Variants in LRRC4C observed in about 807,000 individuals in gnomAD.
LRRC4C encodes the protein leucine-rich repeat-containing protein 4C.
Under a neutral mutation model 33.6 loss-of-function variants are expected in LRRC4C, and 5 were observed. That is an observed-to-expected ratio of 0.15 (90% CI 0.08 to 0.31). The LOEUF is 0.31. Ranked by LOEUF, LRRC4C falls within the 10% of genes least tolerant of loss-of-function variation. The pLI is 1.00. For missense variants in LRRC4C, 560 were observed against 796.7 expected (o/e 0.70, Z 3.58); for synonymous variants, 329 against 302.0 (o/e 1.09, Z -0.93).
intron 1 of LRRC4C, among the ~76,000 whole-genome samples, chr11:41,316,353 G>A (rs905450345): frequency 1.3e-4 from 19 of 148,370 alleles, no homozygotes; most frequent in Admixed American, 6.8e-4. Context: ...TACACATGAA[G>A]CCTACCCTAT....
chr11:40,904,403 AT>A (rs61172176), intron 2 of LRRC4C, among the ~76,000 whole-genome samples: 8,910 of 151,478 alleles, frequency 0.059, 383 homozygotes, highest in Admixed American at 0.15. Flanking sequence ...CTGGCAAAAT[AT>A]TTTTTTTTCA....
At chr11:40,806,342 A>C (rs1161420122) in intron 2 of LRRC4C, among the ~76,000 whole-genome samples, 1 of 152,196 alleles carries the variant, frequency 6.6e-6, no homozygotes, top group Admixed American at 6.5e-5. Context: ...GTCCATGTCC[A>C]TGTCCACGTC....
At chr11:40,336,437 G>A (rs1946606105) in intron 3 of LRRC4C, among the ~76,000 whole-genome samples, 1 of 152,078 alleles carries the variant, frequency 6.6e-6, no homozygotes, top group Non-Finnish European at 1.5e-5. Context: ...CTTGAATGCC[G>A]CAGGCTACAG....
At chr11:40,140,144 C>T (rs1213712383) in intron 6 of LRRC4C, among the ~76,000 whole-genome samples, 2 of 152,160 alleles carry the variant, frequency 1.3e-5, no homozygotes, top group East Asian at 3.9e-4. Context: ...GGGCCAACTA[C>T]AGCTCATAGG....
At chr11:40,306,655 T>C (rs1418351326) in intron 4 of LRRC4C, among the ~76,000 whole-genome samples, 1 of 152,224 alleles carries the variant, frequency 6.6e-6, no homozygotes, top group African/African-American at 2.4e-5. Flanking sequence ...CAAAGCAGCA[T>C]GGTCCACTTA....
intron 3 of LRRC4C, among the ~76,000 whole-genome samples, chr11:40,472,658 C>T (rs1170408420): frequency 6.6e-5 from 10 of 151,662 alleles, no homozygotes; most frequent in African/African-American, 2.2e-4. Context: ...CTCAAAAAAT[C>T]AATGAATCCA....
At chr11:40,643,754 T>C (rs934048147) in intron 3 of LRRC4C, among the ~76,000 whole-genome samples, 4 of 152,024 alleles carry the variant, frequency 2.6e-5, no homozygotes, top group African/African-American at 9.7e-5. Flanking sequence ...ATGCCAGTGG[T>C]AATAAAGAGC....
chr11:41,032,426 G>A (rs901377159), intron 1 of LRRC4C, among the ~76,000 whole-genome samples: 1 of 151,976 alleles, frequency 6.6e-6, no homozygotes, highest in African/African-American at 2.4e-5. Flanking sequence ...CCCTAACAGA[G>A]AAGGATTTGA....
intron 1 of LRRC4C, among the ~76,000 whole-genome samples, chr11:41,071,503 A>G (rs922470623): frequency 4.6e-5 from 7 of 152,188 alleles, no homozygotes; most frequent in African/African-American, 1.7e-4. Context: ...TCTGCTCTAT[A>G]AATGAAACAG....
intron 1 of LRRC4C, among the ~76,000 whole-genome samples, chr11:40,976,714 A>C (rs750628906): frequency 1.3e-5 from 2 of 152,158 alleles, no homozygotes; most frequent in Non-Finnish European, 2.9e-5. Flanking sequence ...GAGAGAGTAT[A>C]CAAAAAGGAT....
chr11:40,925,492 C>T (rs1484719234), intron 2 of LRRC4C, among the ~76,000 whole-genome samples: 1 of 152,166 alleles, frequency 6.6e-6, no homozygotes, highest in Non-Finnish European at 1.5e-5. Flanking sequence ...GTTGGTTAAC[C>T]TGCAACTGTC....
At chr11:40,272,556 C>G (rs1229357269) in intron 4 of LRRC4C, among the ~76,000 whole-genome samples, 3 of 152,036 alleles carry the variant, frequency 2.0e-5, no homozygotes, top group African/African-American at 4.8e-5. Context: ...AAATTTCCGG[C>G]AACTTTTTGT....
intron 1 of LRRC4C, among the ~76,000 whole-genome samples, chr11:41,248,522 C>T (rs897611761): frequency 9.9e-5 from 15 of 152,028 alleles, no homozygotes; most frequent in Non-Finnish European, 1.9e-4. Flanking sequence ...ATGGATTATC[C>T]TCCTACTACA....
chr11:40,818,373 A>G (rs1430399225), intron 2 of LRRC4C, among the ~76,000 whole-genome samples: 4 of 152,112 alleles, frequency 2.6e-5, no homozygotes, highest in African/African-American at 9.7e-5. Flanking sequence ...TCAGTGTGTG[A>G]ATAGGTACCT....
At chr11:41,095,916 A>ACATATGT (rs769411860) in intron 1 of LRRC4C, among the ~76,000 whole-genome samples, 2 of 152,172 alleles carry the variant, frequency 1.3e-5, no homozygotes, top group African/African-American at 2.4e-5. Context: ...ACCCAAACAC[A>ACATATGT]CATATGTTAA....
At chr11:41,322,426 C>T (rs1447117) in intron 1 of LRRC4C, among the ~76,000 whole-genome samples, 1,836 of 151,736 alleles carry the variant, frequency 0.012, 45 homozygotes, top group African/African-American at 0.042. Flanking sequence ...TTTAAATCAC[C>T]TATCAACATT....
At chr11:40,475,378 A>C (rs1478670842) in intron 3 of LRRC4C, among the ~76,000 whole-genome samples, 1 of 152,018 alleles carries the variant, frequency 6.6e-6, no homozygotes, top group African/African-American at 2.4e-5. Context: ...ACATATTCTC[A>C]CTCAAAAGTG....
intron 1 of LRRC4C, among the ~76,000 whole-genome samples, chr11:41,007,792 T>C (rs992827001): frequency 2.6e-5 from 4 of 152,132 alleles, no homozygotes; most frequent in Non-Finnish European, 5.9e-5. Flanking sequence ...AATTTAGACA[T>C]CTAGTCATAA....
Position 40,329,825 on chromosome 11 carries a change from T to C in LRRC4C, c.-269-10104A>G, listed in dbSNP as rs574936410. Among the ~76,000 whole-genome samples the C allele has an allele frequency of 4.4e-4, 66 of 149,316 alleles. 2 individuals are homozygous for C. The South Asian group carries it at 0.012, about 27-fold the overall frequency. On this transcript the variant is annotated intron_variant, in intron 3 of 6. Transcript: ENST00000528697. ...GGTGCAGTCTTGGCTCGCTGCAACA[T>C]CTGCCTCCTGGGTTCAAGCGATTCT... is the stretch of plus-strand genomic sequence containing the variant.
Sources: gnomAD v4.1 joint callset for allele counts (sites outside exome capture counted in the v4.1 genomes callset) on GRCh38, gnomAD v4.1.1 for gene constraint, MANE v1.5 for transcripts, NCBI Gene and HGNC (gene_info 2026-07-23, HGNC 2026-07-21) for gene names.